The following JDP2 variants were observed in gnomAD, a reference collection of about 807,000 sequenced individuals.
The protein encoded by JDP2 is Jun dimerization protein 2.
A neutral mutation model predicts 17.1 loss-of-function variants in JDP2; 9 were observed. The ratio of observed to expected loss-of-function variants is 0.53; its 90% confidence interval spans 0.32 to 0.92. The LOEUF (loss-of-function observed/expected upper bound fraction) is 0.92. JDP2 is among the 40% of genes least tolerant of loss of function. JDP2 has a pLI of 0.04. For missense variants in JDP2, 179 were observed against 220.0 expected, an observed-to-expected ratio of 0.81 and a Z score of 1.18; for synonymous variants, 107 against 95.6, an observed-to-expected ratio of 1.12 and a Z score of -0.69.
intron 2 of JDP2, among the ~76,000 whole-genome samples, chr14:75,452,749 C>T (rs952707696): frequency 5.9e-5 from 9 of 152,206 alleles, no homozygotes; most frequent in Non-Finnish European, 1.3e-4. Context: ...GCCACCGCCC[C>T]ATCCAGCCCT....
chr14:75,462,929 C>T (rs915751983), intron 3 of JDP2, among the ~76,000 whole-genome samples: 1 of 152,192 alleles, frequency 6.6e-6, no homozygotes, highest in African/African-American at 2.4e-5. Context: ...GGTGCTACAA[C>T]ATTGGGCTGG....
intron 2 of JDP2, among the ~76,000 whole-genome samples, chr14:75,452,629 T>C (rs1885914451): frequency 6.6e-6 from 1 of 152,212 alleles, no homozygotes; most frequent in Non-Finnish European, 1.5e-5. Flanking sequence ...CATTCAAAAG[T>C]GGGAGATTTT....
At chr14:75,458,637 C>T (rs183989486) in intron 2 of JDP2, among the ~76,000 whole-genome samples, 71 of 152,228 alleles carry the variant, frequency 4.7e-4, no homozygotes, top group Admixed American at 1.0e-3. Context: ...ATACACATGC[C>T]TGTGTCTTTA....
At chr14:75,431,136 G>C (rs992335986) in intron 1 of JDP2, among the ~76,000 whole-genome samples, 1 of 152,216 alleles carries the variant, frequency 6.6e-6, no homozygotes, top group African/African-American at 2.4e-5. Context: ...GACCAGAGCT[G>C]GCGTGAAGTA....
At position 75,428,369 on chromosome 14, in the gene JDP2, C is replaced by G. The variant is rs1179593798; in HGVS notation, c.-24+117C>G. ...CGGAGCGCGAGGAGCCCCAGCCCAG[C>G]CCCGCGGGGAGGCTCCCGCAGCCCA... On this transcript the variant is annotated intron_variant, in intron 1 of 3. Transcript: ENST00000651602. This position sits in a 1 kb window ranked among gnomAD's most constrained non-coding sequence, Gnocchi z 5.6. 1 of 150,086 alleles carries G rather than the reference C, an allele frequency of 6.7e-6. No homozygotes were observed. Among genetic ancestry groups the G allele is most frequent in the African/African-American group, 2.4e-5 (1 of 41,212 alleles). The allele number at this position is 150,086 out of a possible 1,614,324, so 9.3% of individuals were successfully genotyped here. A position where few individuals can be genotyped will look rare whatever the true frequency, so the allele number is the denominator to read the frequency against.
intron 2 of JDP2, among the ~76,000 whole-genome samples, chr14:75,441,055 T>G (rs919666075): frequency 2.0e-5 from 3 of 152,304 alleles, no homozygotes; most frequent in Admixed American, 2.0e-4. Flanking sequence ...TTCGATCATT[T>G]TGATGACATT....
chr14:75,449,755 A>G (rs953590576), intron 2 of JDP2, among the ~76,000 whole-genome samples: 10 of 152,208 alleles, frequency 6.6e-5, no homozygotes, highest in African/African-American at 2.4e-4. Context: ...CCTAGCAATC[A>G]TCATCTCTTT....
intron 2 of JDP2, among the ~76,000 whole-genome samples, chr14:75,439,912 G>T (rs180845656): frequency 6.6e-6 from 1 of 152,328 alleles, no homozygotes; most frequent in Non-Finnish European, 1.5e-5. Flanking sequence ...CTGCGCATGG[G>T]GTTGATGAAG....
chr14:75,451,452 C>T (rs947008862), intron 2 of JDP2, among the ~76,000 whole-genome samples: 4 of 152,122 alleles, frequency 2.6e-5, no homozygotes, highest in East Asian at 3.9e-4. Context: ...CCACGTTGAG[C>T]GTCTGGCCCA....
intron 2 of JDP2, chr14:75,445,452 G>A (rs1416377563): frequency 4.6e-5 from 45 of 985,254 alleles, no homozygotes; most frequent in Non-Finnish European, 5.2e-5. Context: ...TCCGTGGTTT[G>A]CCTCTGTAGT....
At chr14:75,431,468 T>C (rs758692816) in intron 1 of JDP2, among the ~76,000 whole-genome samples, 8 of 152,006 alleles carry the variant, frequency 5.3e-5, no homozygotes, top group Non-Finnish European at 8.8e-5. Flanking sequence ...AGGGATGGAG[T>C]AGAGGGCACA....
At chr14:75,429,324 A>G (rs1399957769) in intron 1 of JDP2, among the ~76,000 whole-genome samples, 1 of 152,064 alleles carries the variant, frequency 6.6e-6, no homozygotes, top group Non-Finnish European at 1.5e-5. Context: ...GCTCAGGGCA[A>G]ATGTGCTCAG....
chr14:75,459,672 C>T (rs927404875), intron 2 of JDP2, among the ~76,000 whole-genome samples: 1 of 152,232 alleles, frequency 6.6e-6, no homozygotes, highest in African/African-American at 2.4e-5. Flanking sequence ...TCACCCCCCA[C>T]ACCCTCCTCC....
chr14:75,432,235 G>A (rs533996471), intron 1 of JDP2: 22 of 1,326,676 alleles, frequency 1.7e-5, no homozygotes, highest in East Asian at 2.5e-5. Context: ...TGGAAGCCGC[G>A]TGACCTACGT....
intron 2 of JDP2, among the ~76,000 whole-genome samples, chr14:75,459,268 G>A (rs1886244719): frequency 6.6e-6 from 1 of 152,202 alleles, no homozygotes; most frequent in African/African-American, 2.4e-5. Flanking sequence ...TGGCCTTGTT[G>A]GGGGTGAGGT....
Position 75,472,130 on chromosome 14 carries a change from T to A in JDP2, c.*2655T>A, listed in dbSNP as rs1886827332. On this transcript the variant is annotated 3_prime_UTR_variant, in exon 4 of 4. Transcript: ENST00000651602. ...GTGGCTAGAAGTCACAATTATAGGCTTCATTGCAAGAGCCAGCATTTGAGT... is the reference window on the plus strand; with the variant it reads ...GTGGCTAGAAGTCACAATTATAGGCATCATTGCAAGAGCCAGCATTTGAGT... 6.6e-6 allele frequency: 1 copy of A among 152,236 alleles called. No individual in the cohort carries two copies. The highest frequency in any genetic ancestry group is 1.5e-5 in the Non-Finnish European group (1 of 68,064). 9.4% of individuals were successfully genotyped at this position (152,236 alleles called of 1,614,324 possible). A position where few individuals can be genotyped will look rare whatever the true frequency, so the allele number is the denominator to read the frequency against.
chr14:75,432,329 G>T, intron 1 of JDP2: 1 of 1,551,574 alleles, frequency 6.4e-7, no homozygotes, highest in Non-Finnish European at 8.7e-7. Context: ...CAAGATTCAT[G>T]GTAGCAGGTA....
At chr14:75,440,829 T>TA (rs1212232682) in intron 2 of JDP2, among the ~76,000 whole-genome samples, 4 of 152,178 alleles carry the variant, frequency 2.6e-5, no homozygotes, top group Non-Finnish European at 5.9e-5. Flanking sequence ...CTGAAGTAAC[T>TA]AGTGTTGTTG....
At chr14:75,456,107 C>T (rs1886092012) in intron 2 of JDP2, among the ~76,000 whole-genome samples, 1 of 152,156 alleles carries the variant, frequency 6.6e-6, no homozygotes, top group South Asian at 2.1e-4. Context: ...GTGGCAGAAA[C>T]CTTCTCAAAC....
Sources: gnomAD v4.1 joint callset for allele counts (sites outside exome capture counted in the v4.1 genomes callset) on GRCh38, gnomAD v4.1.1 for gene constraint, Gnocchi (gnomAD v3.1) non-coding constraint, MANE v1.5 for transcripts, NCBI Gene and HGNC (gene_info 2026-07-23, HGNC 2026-07-21) for gene names.